The following PLXNA4 variants were observed in gnomAD, a reference collection of about 807,000 sequenced individuals.
The protein encoded by PLXNA4 is plexin A4, also known as plexin-A4.
In PLXNA4, 44 loss-of-function variants were observed where a neutral mutation model predicts 191.8. That is an observed-to-expected ratio of 0.23 (90% CI 0.18 to 0.29). The LOEUF is 0.29. PLXNA4 is among the 10% of genes least tolerant of loss of function. The pLI, the probability that PLXNA4 is intolerant of heterozygous loss-of-function variation, is 1.00. For missense variants in PLXNA4, 1,800 were observed against 2,488.8 expected (o/e 0.72, Z 5.89); for synonymous variants, 1,082 against 1,009.5 (o/e 1.07, Z -1.36).
intron 5 of PLXNA4, among the ~76,000 whole-genome samples, chr7:132,239,291 G>A (rs939098525): frequency 2.3e-4 from 35 of 152,162 alleles, no homozygotes; most frequent in African/African-American, 6.0e-4. Context: ...TGGGAGGTGG[G>A]GGTTCTCACA....
rs772273752 is a variant in PLXNA4, at chr7:132,179,818, A to T, written c.3743T>A (p.Leu1248His). 1 of 1,612,494 alleles carries T rather than the reference A, an allele frequency of 6.2e-7. No individual in the cohort carries two copies. Among genetic ancestry groups the T allele is most frequent in the South Asian group, 1.1e-5 (1 of 91,022 alleles). ...AIVSIAVAGG[L>H]LIIFIVAVLI... is the part of the protein sequence containing the mutation. ...CACGGCCACGATGAAAATGATGAGG[A>T]GGCCGCCAGCCACTGCGATGCTGAC... The change falls in exon 20 of 32, where the codon CTC becomes CAC. Residue 1248 changes from leucine to histidine, a missense_variant. By Grantham distance (99) the Leu-to-His change is moderately conservative (BLOSUM62 -3). This residue lies in a region of PLXNA4 where 1,397 missense variants were observed against 1,880.4 expected (regional missense o/e 0.74). Transcript: ENST00000321063.
chr7:132,161,376 T>C (rs1282908036), intron 24 of PLXNA4, among the ~76,000 whole-genome samples: 1 of 152,254 alleles, frequency 6.6e-6, no homozygotes, highest in Non-Finnish European at 1.5e-5. Flanking sequence ...ACAGAGCCCC[T>C]GGCCACTGGC....
At chr7:132,465,230 C>T (rs1796655385) in intron 3 of PLXNA4, among the ~76,000 whole-genome samples, 1 of 152,204 alleles carries the variant, frequency 6.6e-6, no homozygotes, top group Non-Finnish European at 1.5e-5. Context: ...AGTTGTGCTG[C>T]ATTGGGTCCC....
intron 3 of PLXNA4, among the ~76,000 whole-genome samples, chr7:132,428,719 C>G (rs1795145413): frequency 6.6e-6 from 1 of 152,126 alleles, no homozygotes; most frequent in African/African-American, 2.4e-5. Context: ...CAAGCTCTGG[C>G]CAGCCTCCAG....
At chr7:132,135,893 G>A (rs920892234) in intron 30 of PLXNA4, among the ~76,000 whole-genome samples, 8 of 152,108 alleles carry the variant, frequency 5.3e-5, no homozygotes, top group African/African-American at 1.4e-4. Context: ...GCACGTCTGT[G>A]GCCACATACT....
chr7:132,647,741 C>CA (rs976877940), intron 1 of PLXNA4, among the ~76,000 whole-genome samples: 3 of 149,218 alleles, frequency 2.0e-5, no homozygotes, highest in Non-Finnish European at 4.5e-5. Flanking sequence ...TTCACACAAG[C>CA]AATTACACAC....
intron 2 of PLXNA4, among the ~76,000 whole-genome samples, chr7:132,644,121 T>C (rs1222164869): frequency 1.3e-5 from 2 of 152,206 alleles, no homozygotes; most frequent in Non-Finnish European, 2.9e-5. Flanking sequence ...GGCAGTGGCC[T>C]AGAGGAGTGA....
At chr7:132,140,004 C>T (rs1198304194) in intron 30 of PLXNA4, among the ~76,000 whole-genome samples, 2 of 152,204 alleles carry the variant, frequency 1.3e-5, no homozygotes, top group Admixed American at 6.5e-5. Context: ...GAGCCCAGCC[C>T]TGCGGCTCAT....
intron 2 of PLXNA4, among the ~76,000 whole-genome samples, chr7:132,496,061 AG>A (rs1797999952): frequency 6.6e-6 from 1 of 152,222 alleles, no homozygotes; most frequent in Non-Finnish European, 1.5e-5. Context: ...GACTAGACAA[AG>A]CCATCTGGGC....
At chr7:132,479,289 A>G (rs73724032) in intron 3 of PLXNA4, among the ~76,000 whole-genome samples, 6,211 of 150,512 alleles carry the variant, frequency 0.041, 206 homozygotes, top group African/African-American at 0.084. Flanking sequence ...AAAAAAAAAA[A>G]TTCCCAAAAG....
chr7:132,431,083 A>T (rs1795243106), intron 3 of PLXNA4, among the ~76,000 whole-genome samples: 1 of 152,198 alleles, frequency 6.6e-6, no homozygotes, highest in African/African-American at 2.4e-5. Context: ...CCCTATCTGT[A>T]AAACCGAGGC....
chr7:132,605,933 G>A (rs1425390256), intron 2 of PLXNA4, among the ~76,000 whole-genome samples: 1 of 152,164 alleles, frequency 6.6e-6, no homozygotes, highest in Non-Finnish European at 1.5e-5. Flanking sequence ...GGAGGCTGAG[G>A]CAGGTGGATC....
Position 132,237,909 on chromosome 7 carries a change from C to T in PLXNA4, c.1604+3157G>A, listed in dbSNP as rs565809257. Among the ~76,000 whole-genome samples, 5 of 152,318 alleles carry T rather than the reference C, an allele frequency of 3.3e-5. 1 individual carries two copies. In the South Asian group the frequency reaches 1.0e-3, roughly 32 times the overall value. On this transcript the variant is annotated intron_variant, in intron 5 of 31. Transcript: ENST00000321063. ...GCAGTGAAAAATTTGAGTGATCTGG[C>T]ACGCACACTCCCAGCTGAGGTGGGA... is the stretch of plus-strand genomic sequence containing the variant.
At chr7:132,411,549 G>A (rs1794461736) in intron 3 of PLXNA4, among the ~76,000 whole-genome samples, 2 of 152,274 alleles carry the variant, frequency 1.3e-5, no homozygotes, top group South Asian at 2.1e-4. Flanking sequence ...GGAAACCTGG[G>A]TCTTTTCAAC....
intron 20 of PLXNA4, among the ~76,000 whole-genome samples, chr7:132,178,958 G>A (rs1393748335): frequency 3.7e-5 from 4 of 107,692 alleles, no homozygotes; most frequent in Non-Finnish European, 7.2e-5. Context: ...CACACACACA[G>A]CCTCCAGCAC....
At chr7:132,439,070 G>A (rs1352669305) in intron 3 of PLXNA4, among the ~76,000 whole-genome samples, 1 of 152,208 alleles carries the variant, frequency 6.6e-6, no homozygotes, top group Non-Finnish European at 1.5e-5. Context: ...GGTTCATTCA[G>A]CAGCCCTGGT....
chr7:132,238,495 T>G (rs1444297436), intron 5 of PLXNA4, among the ~76,000 whole-genome samples: 3 of 152,126 alleles, frequency 2.0e-5, no homozygotes, highest in Non-Finnish European at 4.4e-5. Context: ...CCCCAGTGCT[T>G]CAATGCGCTG....
chr7:132,478,955 C>T (rs1441307233), intron 3 of PLXNA4, among the ~76,000 whole-genome samples: 1 of 152,124 alleles, frequency 6.6e-6, no homozygotes, highest in Non-Finnish European at 1.5e-5. Context: ...AGGGGAGAAA[C>T]TTTTTGGAAG....
intron 3 of PLXNA4, among the ~76,000 whole-genome samples, chr7:132,386,660 G>A (rs540422327): frequency 2.6e-5 from 4 of 152,300 alleles, no homozygotes; most frequent in South Asian, 2.1e-4. Context: ...CCCCCGGTAC[G>A]TTAAACCGTC....
Sources: gnomAD v4.1 joint callset for allele counts (sites outside exome capture counted in the v4.1 genomes callset) on GRCh38, gnomAD v4.1.1 for gene constraint, gnomAD v4.1.1 regional missense constraint, MANE v1.5 for transcripts, NCBI Gene and HGNC (gene_info 2026-07-23, HGNC 2026-07-21) for gene names.